Variants in EML4 observed in about 807,000 individuals in gnomAD.
EML4 encodes EMAP like 4, also known as echinoderm microtubule-associated protein-like 4.
A neutral mutation model predicts 129.0 loss-of-function variants in EML4; 72 were observed. The observed-to-expected ratio is 0.56, with a 90% CI of 0.46 to 0.68. The LOEUF (loss-of-function observed/expected upper bound fraction) is 0.68. EML4 is among the 30% of genes least tolerant of loss of function. The probability of loss-of-function intolerance (pLI) is 0.00; values close to 1 mark genes in which losing one functional copy is unlikely to be tolerated. For missense variants in EML4, 1,363 were observed against 1,190.6 expected (o/e 1.14, Z -2.13); for synonymous variants, 532 against 405.0 (o/e 1.31, Z -3.77).
At chr2:42,209,252 T>G (rs1672739745) in intron 1 of EML4, among the ~76,000 whole-genome samples, 1 of 152,234 alleles carries the variant, frequency 6.6e-6, no homozygotes, top group South Asian at 2.1e-4. Context: ...CTGGTTTTTT[T>G]CCTTTTATAC....
intron 1 of EML4, among the ~76,000 whole-genome samples, chr2:42,177,060 T>C (rs1670648741): frequency 6.6e-6 from 1 of 152,162 alleles, no homozygotes; most frequent in African/African-American, 2.4e-5. Flanking sequence ...CCCAGAGTGC[T>C]GGGGGATTGC....
At chr2:42,295,588 C>A (rs1169419640) in intron 13 of EML4, 72 bp downstream of exon 13, 5 of 1,375,874 alleles carry the variant, frequency 3.6e-6, no homozygotes, top group South Asian at 1.4e-5. Flanking sequence ...ATCTCTTAGA[C>A]CAGGAGAGAA....
intron 1 of EML4, among the ~76,000 whole-genome samples, chr2:42,223,733 C>G (rs1004587131): frequency 1.3e-4 from 20 of 152,070 alleles, no homozygotes; most frequent in African/African-American, 4.3e-4. Flanking sequence ...TTTACAAAGA[C>G]CATTACATTT....
chr2:42,191,074 A>G (rs1211924547), intron 1 of EML4, among the ~76,000 whole-genome samples: 1 of 152,196 alleles, frequency 6.6e-6, no homozygotes, highest in Admixed American at 6.5e-5. Flanking sequence ...TACTTTATAT[A>G]TGTGCATACT....
In EML4 at chr2:42,286,348, G is replaced by A. The variant is rs760285260; in HGVS notation, c.1091G>A (p.Arg364His). ...LQIIGLGTFE[R>H]GVGCLDFSKA... ...ATTATTGGACTTGGCACTTTTGAGC[G>A]TGGAGTAGGATGCCTGGATTTTTCA... The change falls in exon 10 of 23, where the codon CGT (arginine) becomes CAT (histidine). Residue 364 changes from arginine to histidine, a missense_variant. Physicochemically the swap from Arg to His is conservative, Grantham distance 29. Transcript: ENST00000318522. 7 of 1,612,804 alleles carry A rather than the reference G, an allele frequency of 4.3e-6. No individual in the cohort carries two copies. The highest frequency in any genetic ancestry group is 4.2e-6 in the Non-Finnish European group (5 of 1,178,940).
At chr2:42,260,767 C>T (rs1992260) in intron 3 of EML4, among the ~76,000 whole-genome samples, 4 of 151,854 alleles carry the variant, frequency 2.6e-5, no homozygotes, top group African/African-American at 7.3e-5. Context: ...TGGCATCAGT[C>T]GGTATGCTTT....
intron 1 of EML4, among the ~76,000 whole-genome samples, chr2:42,203,418 A>C (rs1283176894): frequency 3.3e-5 from 5 of 152,178 alleles, no homozygotes; most frequent in African/African-American, 1.2e-4. Flanking sequence ...TCTGAACTTG[A>C]ATAAATTTGG....
intron 6 of EML4, among the ~76,000 whole-genome samples, chr2:42,267,229 T>C (rs920182757): frequency 7.9e-5 from 12 of 152,202 alleles, no homozygotes; most frequent in Non-Finnish European, 1.8e-4. Context: ...GTTTTAGTTA[T>C]TAATATATGA....
intron 13 of EML4, among the ~76,000 whole-genome samples, chr2:42,298,944 T>G (rs989116694): frequency 1.3e-5 from 2 of 152,222 alleles, no homozygotes; most frequent in Non-Finnish European, 2.9e-5. Flanking sequence ...TCTATTTTTA[T>G]TATCCAAATA....
At chr2:42,272,214 A>G (rs958066228) in intron 6 of EML4, among the ~76,000 whole-genome samples, 2 of 152,190 alleles carry the variant, frequency 1.3e-5, no homozygotes, top group African/African-American at 4.8e-5. Context: ...GTAGCCAGGA[A>G]GAGTTGCGGT....
At chr2:42,193,006 T>C (rs779709504) in intron 1 of EML4, among the ~76,000 whole-genome samples, 8 of 152,226 alleles carry the variant, frequency 5.3e-5, no homozygotes, top group African/African-American at 1.2e-4. Flanking sequence ...CATGTTTGGC[T>C]GGTTGGCTCC....
intron 17 of EML4, among the ~76,000 whole-genome samples, chr2:42,305,115 C>CA (rs1371659280): frequency 1.5e-4 from 22 of 151,504 alleles, no homozygotes; most frequent in Admixed American, 9.9e-4. Context: ...GACTCCATCT[C>CA]AAAAAAAATA....
chr2:42,323,368 G>A (rs1457343149), intron 19 of EML4, among the ~76,000 whole-genome samples: 1 of 146,700 alleles, frequency 6.8e-6, no homozygotes, highest in Non-Finnish European at 1.5e-5. Flanking sequence ...AAGTTAGTAG[G>A]TCCCCTGTAT....
intron 1 of EML4, among the ~76,000 whole-genome samples, chr2:42,204,053 A>G (rs1186245206): frequency 6.6e-6 from 1 of 152,004 alleles, no homozygotes; most frequent in African/African-American, 2.4e-5. Context: ...CCGAATAGCT[A>G]GGACTACAGC....
intron 1 of EML4, 104 bp downstream of exon 1, chr2:42,169,740 A>C: frequency 1.5e-6 from 2 of 1,356,634 alleles, no homozygotes; most frequent in South Asian, 2.6e-5. Context: ...TCGGGGTGGC[A>C]GCGGCTCCAC....
intron 1 of EML4, among the ~76,000 whole-genome samples, chr2:42,238,382 C>A (rs1306407043): frequency 6.6e-6 from 1 of 152,082 alleles, no homozygotes; most frequent in Non-Finnish European, 1.5e-5. Context: ...GGGAGCATTG[C>A]TATGGATAGG....
rs143498074 is a variant in EML4, at chr2:42,261,106, T to C, written c.339-15T>C. On this transcript the variant is annotated splice_polypyrimidine_tract_variant and intron_variant, in intron 3 of 22. Coordinates refer to ENST00000318522, the MANE Select transcript of EML4 (RefSeq NM_019063.5). ...TTTAAATGTGTATTGTTCCATGTTA[T>C]ACTTTATTTTACAGTGGTACAGAAA... 6.5e-5 allele frequency: 102 copies of C among 1,574,134 alleles called. No homozygotes were observed. In the Middle Eastern group the frequency reaches 8.4e-4, roughly 13 times the overall value.
intron 1 of EML4, among the ~76,000 whole-genome samples, chr2:42,192,474 A>G (rs1671653153): frequency 6.6e-6 from 1 of 151,996 alleles, no homozygotes; most frequent in Non-Finnish European, 1.5e-5. Flanking sequence ...TCCTGACCTC[A>G]AGTGATCCAC....
intron 2 of EML4, among the ~76,000 whole-genome samples, chr2:42,246,241 C>A (rs1473737858): frequency 2.6e-5 from 4 of 152,116 alleles, no homozygotes; most frequent in Non-Finnish European, 5.9e-5. Flanking sequence ...GACCCTGTTG[C>A]TCTGAGTTTG....
Sources: allele counts gnomAD v4.1 joint callset (sites outside exome capture counted in the v4.1 genomes callset), GRCh38; gene constraint gnomAD v4.1.1; transcripts MANE v1.5; gene names NCBI Gene and HGNC (gene_info 2026-07-23, HGNC 2026-07-21).